Variants in FBXO38 observed in about 807,000 individuals in gnomAD.
FBXO38 encodes the protein F-box only protein 38.
Under a neutral mutation model 131.9 loss-of-function variants are expected in FBXO38, and 53 were observed. The observed-to-expected ratio is 0.40, with a 90% CI of 0.32 to 0.51. FBXO38 has a LOEUF of 0.51. Ranked by LOEUF, FBXO38 falls within the 20% of genes least tolerant of loss-of-function variation. FBXO38 has a pLI of 0.53. For missense variants in FBXO38, 1,076 were observed against 1,475.6 expected (o/e 0.73, Z 4.44); for synonymous variants, 452 against 505.6 (o/e 0.89, Z 1.42).
chr5:148,438,302 A>G (rs1457026022), intron 17 of FBXO38, 30 bp from the exon 18 acceptor site: 4 of 1,610,944 alleles, frequency 2.5e-6, no homozygotes, highest in Non-Finnish European at 3.4e-6. Context: ...GATGATATGT[A>G]CGGAGCTTAC....
intron 1 of FBXO38, among the ~76,000 whole-genome samples, chr5:148,384,496 A>G (rs948309075): frequency 5.9e-5 from 9 of 152,172 alleles, no homozygotes; most frequent in Admixed American, 3.9e-4. Context: ...TTTGGCTGCC[A>G]CGCCTGAGTA....
At chr5:148,422,979 T>C (rs189196773) in intron 12 of FBXO38, among the ~76,000 whole-genome samples, 1 of 152,158 alleles carries the variant, frequency 6.6e-6, no homozygotes, top group Non-Finnish European at 1.5e-5. Flanking sequence ...TTTGTTTGTT[T>C]GTTTGTTTTA....
chr5:148,424,902 C>T (rs1210321760), intron 13 of FBXO38, among the ~76,000 whole-genome samples: 32 of 152,160 alleles, frequency 2.1e-4, no homozygotes, highest in Non-Finnish European at 2.9e-5. Flanking sequence ...TAATATTGGT[C>T]ACTTGTCAGA....
intron 3 of FBXO38, 94 bp downstream of exon 3, chr5:148,399,226 A>T: frequency 7.0e-7 from 1 of 1,423,764 alleles, no homozygotes; most frequent in Non-Finnish European, 9.6e-7. Context: ...TGAGAAAGGC[A>T]ATCTAAGTCA....
chr5:148,400,100 AGTT>A (rs1332156701), intron 3 of FBXO38, among the ~76,000 whole-genome samples: 2 of 151,714 alleles, frequency 1.3e-5, no homozygotes, highest in Non-Finnish European at 2.9e-5. Context: ...TGGCCATAGT[AGTT>A]ATCAATATAT....
chr5:148,428,037 T>A, intron 15 of FBXO38, 90 bp downstream of exon 15: 1 of 1,358,604 alleles, frequency 7.4e-7, no homozygotes, highest in Non-Finnish European at 9.6e-7. Flanking sequence ...AAAAAGCCAG[T>A]TTGGCAAATT....
chr5:148,436,759 C>A (rs547930330), intron 17 of FBXO38, among the ~76,000 whole-genome samples: 23 of 152,148 alleles, frequency 1.5e-4, no homozygotes, highest in Admixed American at 7.2e-4. Flanking sequence ...AAGTTCAGAC[C>A]TTGGGGACCC....
chr5:148,413,967 A>G (rs1020873813), intron 9 of FBXO38, 169 bp from the exon 10 acceptor site: 7 of 506,738 alleles, frequency 1.4e-5, no homozygotes, highest in Non-Finnish European at 2.1e-5. Context: ...AAGTGCTACC[A>G]TATGTACGGA....
chr5:148,403,853 A>G (rs1164297196), intron 5 of FBXO38, among the ~76,000 whole-genome samples: 1 of 152,190 alleles, frequency 6.6e-6, no homozygotes, highest in Non-Finnish European at 1.5e-5. Context: ...TTTGCCAACT[A>G]CTGTTTGTTA....
chr5:148,393,908 A>G (rs767533184), intron 1 of FBXO38, among the ~76,000 whole-genome samples: 4 of 152,088 alleles, frequency 2.6e-5, no homozygotes, highest in Non-Finnish European at 4.4e-5. Context: ...GATCAATAGA[A>G]CAGAAAACCA....
chr5:148,423,411 G>A (rs1753548914), intron 12 of FBXO38, among the ~76,000 whole-genome samples: 2 of 152,298 alleles, frequency 1.3e-5, no homozygotes, highest in South Asian at 4.1e-4. Flanking sequence ...TAAACATTTA[G>A]CATAGAGCCT....
Position 148,419,074 on chromosome 5 carries a change from A to G in FBXO38, c.1618+1870A>G, listed in dbSNP as rs1247112026. ...AAGGATTCAGCTTCAGCAGTTACCT[A>G]GGACTGTTGTCAAGTATAGTATCTT... is the stretch of plus-strand genomic sequence containing the variant. On this transcript the variant is annotated intron_variant, in intron 12 of 21. Transcript: ENST00000340253. Among the ~76,000 whole-genome samples the G allele has an allele frequency of 2.0e-5, 3 of 152,238 alleles. No homozygotes were observed. In the East Asian group the frequency reaches 5.8e-4, roughly 29 times the overall value.
chr5:148,411,858 A>T (rs928939503), intron 9 of FBXO38, among the ~76,000 whole-genome samples: 1 of 152,192 alleles, frequency 6.6e-6, no homozygotes, highest in African/African-American at 2.4e-5. Flanking sequence ...TGAATGAAGT[A>T]TCTAACATTC....
Position 148,442,363 on chromosome 5 carries a change from T to C in FBXO38, c.*216T>C. 1 of 349,430 alleles carries C rather than the reference T, an allele frequency of 2.9e-6. No homozygotes were observed. The highest frequency in any genetic ancestry group is 5.1e-6 in the Non-Finnish European group (1 of 196,234). The allele number at this position is 349,430 out of a possible 1,614,324, so 21.6% of individuals were successfully genotyped here. A position where few individuals can be genotyped will look rare whatever the true frequency, so the allele number is the denominator to read the frequency against. On this transcript the variant is annotated 3_prime_UTR_variant, in exon 22 of 22. Transcript: ENST00000340253. ...AAAGTACCAACTTTATATCATATGT[T>C]TATACAATTTAATTTAAAAATTCAT...
chr5:148,417,077 C>T lies in FBXO38; in HGVS notation c.1491C>T (p.Asp497=), dbSNP rs146067715. The T allele has an allele frequency of 2.8e-5, 45 of 1,613,044 alleles. No homozygotes were observed. In the African/African-American group the frequency reaches 2.8e-4, roughly 10 times the overall value. Residue 497 remains aspartate, a synonymous_variant, in exon 12 of 22, where the codon GAC becomes GAT. Transcript: ENST00000340253. ...ALVSNQNSNN[D]DNNAQNNNAN... ...TTAGCAACCAGAACTCCAACAATGA[C>T]GATAATAATGCCCAGAATAACAATG...
intron 12 of FBXO38, among the ~76,000 whole-genome samples, chr5:148,421,948 G>C (rs773527007): frequency 4.6e-5 from 7 of 151,762 alleles, no homozygotes; most frequent in Non-Finnish European, 8.8e-5. Context: ...CCAAGACGTT[G>C]AGTCATTTAC....
intron 5 of FBXO38, 32 bp from the exon 6 acceptor site, chr5:148,404,653 C>T (rs1554078853): frequency 6.7e-7 from 1 of 1,500,516 alleles, no homozygotes; most frequent in Admixed American, 2.5e-5. Flanking sequence ...TGATTTTTTT[C>T]TTGTTTGTTC....
At chr5:148,420,357 C>T (rs1251487684) in intron 12 of FBXO38, among the ~76,000 whole-genome samples, 1 of 151,960 alleles carries the variant, frequency 6.6e-6, no homozygotes, top group African/African-American at 2.4e-5. Flanking sequence ...AAACTCTTGG[C>T]CTTAAGTGAT....
At chr5:148,405,604 G>T (rs1213701473) in intron 6 of FBXO38, among the ~76,000 whole-genome samples, 2 of 152,042 alleles carry the variant, frequency 1.3e-5, no homozygotes, top group Non-Finnish European at 2.9e-5. Context: ...TTGTTCCCTG[G>T]TCAGCCATAC....
Sources: allele counts gnomAD v4.1 joint callset (sites outside exome capture counted in the v4.1 genomes callset), GRCh38; gene constraint gnomAD v4.1.1; transcripts MANE v1.5; gene names NCBI Gene and HGNC (gene_info 2026-07-23, HGNC 2026-07-21).